The following LCP1 variants were observed in gnomAD, a reference collection of about 807,000 sequenced individuals.
LCP1 encodes lymphocyte cytosolic protein 1, also known as plastin-2.
In LCP1, 23 loss-of-function variants were observed where a neutral mutation model predicts 72.0. The observed-to-expected ratio is 0.32, with a 90% CI of 0.23 to 0.45. LCP1 has a LOEUF of 0.45. Among genes scored for constraint, LCP1 ranks in the 20% least tolerant of loss-of-function variants. The pLI is 1.00. For synonymous variants in LCP1, 245 were observed against 275.4 expected (o/e 0.89, Z 1.09); for missense variants, 571 against 748.3 (o/e 0.76, Z 2.76).
intron 1 of LCP1, among the ~76,000 whole-genome samples, chr13:46,170,918 C>T (rs1425858534): frequency 6.6e-6 from 1 of 152,188 alleles, no homozygotes; most frequent in East Asian, 1.9e-4. Context: ...AGGCGGCCCC[C>T]TAGAGGAAGT....
chr13:46,175,325 G>A (rs543568347), intron 1 of LCP1, among the ~76,000 whole-genome samples: 2 of 152,278 alleles, frequency 1.3e-5, no homozygotes, highest in African/African-American at 4.8e-5. Context: ...CACACCTAGC[G>A]AGTAGATAGC....
chr13:46,142,772 A>G, intron 12 of LCP1: 1 of 473,576 alleles, frequency 2.1e-6, no homozygotes. Context: ...TGACATGGAA[A>G]ATTTGGAGTC....
At chr13:46,128,442 C>CA (rs1314963080) in intron 15 of LCP1, among the ~76,000 whole-genome samples, 1 of 151,980 alleles carries the variant, frequency 6.6e-6, no homozygotes, top group South Asian at 2.1e-4. Flanking sequence ...ACTAAAAATA[C>CA]AAAAAATTAG....
intron 2 of LCP1, 197 bp from the exon 3 acceptor site, chr13:46,159,186 T>C: frequency 1.7e-6 from 1 of 581,142 alleles, no homozygotes. Context: ...ACTTTCAACA[T>C]CCACAGTAAA....
intron 4 of LCP1, 96 bp downstream of exon 4, chr13:46,158,426 G>C (rs2045816792): frequency 7.1e-7 from 1 of 1,413,948 alleles, no homozygotes; most frequent in Non-Finnish European, 9.7e-7. Flanking sequence ...ATAAAGCTGT[G>C]TTTGCTTCTG....
intron 1 of LCP1, among the ~76,000 whole-genome samples, chr13:46,181,812 T>C (rs897350744): frequency 6.6e-5 from 10 of 152,172 alleles, no homozygotes; most frequent in Non-Finnish European, 1.3e-4. Flanking sequence ...GCAATAGAAA[T>C]AAACCAGAAC....
At chr13:46,144,378 T>C in intron 11 of LCP1, 64 bp downstream of exon 11, 1 of 1,241,840 alleles carries the variant, frequency 8.1e-7, no homozygotes, top group Non-Finnish European at 1.2e-6. Flanking sequence ...TAGTGGTATT[T>C]GGAATCCTAT....
intron 15 of LCP1, among the ~76,000 whole-genome samples, chr13:46,130,431 A>G (rs569709535): frequency 2.6e-5 from 4 of 152,226 alleles, no homozygotes; most frequent in Non-Finnish European, 5.9e-5. Context: ...AAAACACAAG[A>G]CAGTGGCTTT....
intron 13 of LCP1, among the ~76,000 whole-genome samples, chr13:46,138,132 C>A (rs1324732400): frequency 6.6e-6 from 1 of 152,200 alleles, no homozygotes; most frequent in Non-Finnish European, 1.5e-5. Flanking sequence ...TATGCATATG[C>A]TGTTTGCCAA....
chr13:46,159,496 G>A (rs894307359), intron 2 of LCP1, 103 bp downstream of exon 2: 2 of 889,210 alleles, frequency 2.2e-6, no homozygotes, highest in Non-Finnish European at 3.7e-6. Context: ...CTGGTTTCTT[G>A]TCATCTCTGA....
chr13:46,171,447 T>C (rs963852706), intron 1 of LCP1, among the ~76,000 whole-genome samples: 1 of 152,226 alleles, frequency 6.6e-6, no homozygotes, highest in African/African-American at 2.4e-5. Flanking sequence ...GTTCTAAATG[T>C]GTCTTCGGTT....
At chr13:46,150,046 G>A (rs2045754547) in intron 8 of LCP1, among the ~76,000 whole-genome samples, 1 of 152,178 alleles carries the variant, frequency 6.6e-6, no homozygotes, top group South Asian at 2.1e-4. Context: ...AGTTCTAAAT[G>A]CCACTGAATG....
In LCP1 at chr13:46,144,665, G is replaced by C. The variant is rs540126220; in HGVS notation, c.1175-145C>G. The C allele has an allele frequency of 1.4e-5, 9 of 634,296 alleles. No individual in the cohort carries two copies. The East Asian group carries it at 2.4e-4, about 17-fold the overall frequency. The allele number at this position is 634,296 out of a possible 1,614,324, so 39.3% of individuals were successfully genotyped here. ...ATAAACTGTATTGGATTTGGACGAG[G>C]GTTCTTATACTGTGTTAATTTTTCT... On this transcript the variant is annotated intron_variant, in intron 10 of 15. Coordinates refer to ENST00000323076, the MANE Select transcript of LCP1 (RefSeq NM_002298.5).
chr13:46,145,887 C>A (rs867466737), intron 10 of LCP1, among the ~76,000 whole-genome samples: 3 of 53,746 alleles, frequency 5.6e-5, no homozygotes, highest in South Asian at 4.3e-4. Flanking sequence ...CCAGCCTGGG[C>A]GACAGAGCGA....
At chr13:46,131,566 G>A (rs527370313) in intron 14 of LCP1, among the ~76,000 whole-genome samples, 4 of 152,048 alleles carry the variant, frequency 2.6e-5, no homozygotes, top group Non-Finnish European at 5.9e-5. Flanking sequence ...TGTGTTCATC[G>A]CAGCACTATT....
At chr13:46,180,628 G>A (rs982042911) in intron 1 of LCP1, among the ~76,000 whole-genome samples, 1 of 152,194 alleles carries the variant, frequency 6.6e-6, no homozygotes, top group African/African-American at 2.4e-5. Context: ...TGTTCCTGGG[G>A]GTGAGCTAGA....
At chr13:46,135,431 C>G (rs1264907512) in intron 13 of LCP1, among the ~76,000 whole-genome samples, 2 of 152,168 alleles carry the variant, frequency 1.3e-5, no homozygotes, top group African/African-American at 4.8e-5. Context: ...CTTACATAAT[C>G]CATCGGGTAT....
chr13:46,177,692 C>T (rs1378785479), intron 1 of LCP1, among the ~76,000 whole-genome samples: 1 of 151,948 alleles, frequency 6.6e-6, no homozygotes, highest in Non-Finnish European at 1.5e-5. Flanking sequence ...GAGTGAAACT[C>T]TGTCTCAAAA....
chr13:46,158,905 A>G lies in LCP1; in HGVS notation c.149T>C (p.Val50Ala), dbSNP rs758820764. ...AACLPLPGYR[V>A]REITENLMAT... ...CATCAGGTTTTCTGTAATTTCTCGT[A>G]CTCTATACCCAGGCAAAGGCAAGCA... is the stretch of plus-strand genomic sequence containing the variant. The change falls in exon 3 of 16, where the codon GTA becomes GCA. Residue 50 changes from valine (V) to alanine (A), a missense_variant. Val to Ala is a moderately conservative substitution (Grantham distance 64, BLOSUM62 0). Coordinates refer to ENST00000323076, the MANE Select transcript of LCP1 (RefSeq NM_002298.5). 3 of 1,614,082 alleles carry G rather than the reference A, an allele frequency of 1.9e-6. No homozygotes were observed. In the South Asian group the frequency reaches 3.3e-5, roughly 18 times the overall value.
Sources: gnomAD v4.1 joint callset for allele counts (sites outside exome capture counted in the v4.1 genomes callset) on GRCh38, gnomAD v4.1.1 for gene constraint, MANE v1.5 for transcripts, NCBI Gene and HGNC (gene_info 2026-07-23, HGNC 2026-07-21) for gene names.